Variants in ENOX1 observed in about 807,000 individuals in gnomAD.
ENOX1 encodes candidate growth-related and time keeping constitutive hydroquinone (NADH) oxidase.
In ENOX1, 42 loss-of-function variants were observed where a neutral mutation model predicts 82.5. The observed-to-expected ratio is 0.51, with a 90% confidence interval of 0.40 to 0.66. ENOX1 has a LOEUF of 0.66. ENOX1 is among the 30% of genes least tolerant of loss of function. ENOX1 has a pLI of 0.00. For synonymous variants in ENOX1, 271 were observed against 282.2 expected, an observed-to-expected ratio of 0.96 and a Z score of 0.40; for missense variants, 608 against 811.6, an observed-to-expected ratio of 0.75 and a Z score of 3.05.
At chr13:43,415,502 A>G (rs531841813) in intron 3 of ENOX1, among the ~76,000 whole-genome samples, 1 of 151,918 alleles carries the variant, frequency 6.6e-6, no homozygotes, top group African/African-American at 2.4e-5. Context: ...ATCTTGCACC[A>G]CCCTTAATCC....
At position 43,655,629 on chromosome 13, in the gene ENOX1, C is replaced by G. The variant is rs573053891; in HGVS notation, c.-219+11850G>C. Among the ~76,000 whole-genome samples, 78 of 152,250 alleles carry G rather than the reference C, an allele frequency of 5.1e-4. 1 individual carries two copies. Among genetic ancestry groups the G allele is most frequent in the African/African-American group, 1.8e-3 (74 of 41,536 alleles). On this transcript the variant is annotated intron_variant, in intron 2 of 16. Transcript: ENST00000690772. ...TTGCCAAATGTTCCAAATGTTTCTT[C>G]TTGAATTAAATTTCAACCCCAGTTC...
chr13:43,372,016 T>C (rs566132457), intron 5 of ENOX1, among the ~76,000 whole-genome samples: 2 of 152,302 alleles, frequency 1.3e-5, no homozygotes, highest in African/African-American at 4.8e-5. Flanking sequence ...GCATATAGTA[T>C]CCTCTTCAAC....
intron 2 of ENOX1, among the ~76,000 whole-genome samples, chr13:43,566,406 A>G (rs1446894905): frequency 4.6e-5 from 7 of 152,090 alleles, no homozygotes; most frequent in Non-Finnish European, 1.5e-5. Context: ...CAATGCATAG[A>G]TCAATGAATT....
chr13:43,554,389 T>C (rs965586664), intron 2 of ENOX1, among the ~76,000 whole-genome samples: 5 of 152,214 alleles, frequency 3.3e-5, no homozygotes, highest in Admixed American at 6.5e-5. Flanking sequence ...ATGCAAGTGA[T>C]TTAAAAACAT....
intron 2 of ENOX1, among the ~76,000 whole-genome samples, chr13:43,562,593 T>TA (rs1306294574): frequency 4.0e-5 from 6 of 151,788 alleles, no homozygotes; most frequent in Admixed American, 1.3e-4. Context: ...GCTGAACAGA[T>TA]AAAACAAAAC....
At position 43,718,349 on chromosome 13, in the gene ENOX1, G is replaced by A. The variant is rs190216357; in HGVS notation, c.-284-50805C>T. Reference sequence around the variant, plus strand: ...ATTGAATACACATAGACATAAATATGGGAACAACAGACACTGGGAACTACC... The same window carrying A: ...ATTGAATACACATAGACATAAATATAGGAACAACAGACACTGGGAACTACC... On this transcript the variant is annotated intron_variant, in intron 1 of 16. Transcript: ENST00000690772. Among the ~76,000 whole-genome samples the A allele has an allele frequency of 1.9e-3, 287 of 152,080 alleles. 1 individual carries two copies. The highest frequency in any genetic ancestry group is 6.5e-3 in the African/African-American group (268 of 41,460).
chr13:43,438,116 C>T (rs1232059943), intron 3 of ENOX1, among the ~76,000 whole-genome samples: 3 of 152,094 alleles, frequency 2.0e-5, no homozygotes, highest in Non-Finnish European at 2.9e-5. Flanking sequence ...AAGTGGAGAA[C>T]GATGCTAACA....
intron 9 of ENOX1, among the ~76,000 whole-genome samples, chr13:43,342,508 T>A (rs1013380638): frequency 3.5e-4 from 54 of 152,202 alleles, no homozygotes; most frequent in Admixed American, 2.8e-3. Flanking sequence ...AGAGGCAGTC[T>A]CCACTCCTGT....
chr13:43,728,597 A>G (rs534388160), intron 1 of ENOX1, among the ~76,000 whole-genome samples: 106 of 152,302 alleles, frequency 7.0e-4, no homozygotes, highest in Non-Finnish European at 1.1e-3. Flanking sequence ...ATAGATTCTG[A>G]AGAAAATAAG....
At chr13:43,734,275 C>A (rs1286622300) in intron 1 of ENOX1, among the ~76,000 whole-genome samples, 2 of 152,032 alleles carry the variant, frequency 1.3e-5, no homozygotes, top group Non-Finnish European at 2.9e-5. Context: ...TTAATGGCAA[C>A]CCTAGAGAAC....
intron 5 of ENOX1, among the ~76,000 whole-genome samples, chr13:43,369,689 C>G (rs1341007840): frequency 6.6e-6 from 1 of 152,236 alleles, no homozygotes; most frequent in Non-Finnish European, 1.5e-5. Context: ...CTTAGTTCTC[C>G]TCCTGTCTTG....
intron 1 of ENOX1, among the ~76,000 whole-genome samples, chr13:43,691,512 T>C (rs1464097820): frequency 6.6e-6 from 1 of 152,068 alleles, no homozygotes; most frequent in African/African-American, 2.4e-5. Flanking sequence ...TACAACCTCA[T>C]TTCTCATGAC....
In ENOX1 at chr13:43,470,353, T is replaced by C. The variant is rs1365826110; in HGVS notation, c.-75+13656A>G. On this transcript the variant is annotated intron_variant, in intron 3 of 16. Coordinates refer to ENST00000690772, the MANE Select transcript of ENOX1 (RefSeq NM_001347969.2). Reference sequence around the variant, plus strand: ...ATGTATATATATACGTATATATATATGTATATATATACGTATATATATACA... The same window carrying C: ...ATGTATATATATACGTATATATATACGTATATATATACGTATATATATACA... Among the ~76,000 whole-genome samples the C allele has an allele frequency of 7.8e-3, 389 of 50,042 alleles. 32 individuals are homozygous for C. The highest frequency in any genetic ancestry group is 0.031 in the African/African-American group (367 of 12,010). The allele number at this position is 50,042 out of a possible 152,430, so 32.8% of individuals were successfully genotyped here. A position where few individuals can be genotyped will look rare whatever the true frequency, so the allele number is the denominator to read the frequency against.
intron 11 of ENOX1, among the ~76,000 whole-genome samples, chr13:43,298,993 C>T (rs2046424246): frequency 6.6e-6 from 1 of 152,188 alleles, no homozygotes; most frequent in African/African-American, 2.4e-5. Flanking sequence ...GGCAGCATCC[C>T]AGGGGAGAGA....
intron 3 of ENOX1, among the ~76,000 whole-genome samples, chr13:43,468,098 G>T (rs936683115): frequency 6.6e-6 from 1 of 152,104 alleles, no homozygotes; most frequent in African/African-American, 2.4e-5. Flanking sequence ...TGGGAGCTGT[G>T]AGTCCTCTAA....
rs1463427490 is a variant in ENOX1 at position 43,599,811 on chromosome 13, C to T, written c.-219+67668G>A. On this transcript the variant is annotated intron_variant, in intron 2 of 16. Transcript: ENST00000690772. ...AGAATAAGGAAGAGTAAAGACTTTG[C>T]AAGTCCAAGTTCAGGACTTGCAACT... 2.0e-5 allele frequency among the ~76,000 whole-genome samples: 3 copies of T among 151,368 alleles called. No individual in the cohort carries two copies. In the East Asian group the frequency reaches 6.0e-4, roughly 30 times the overall value.
chr13:43,713,002 G>A (rs1409678044), intron 1 of ENOX1, among the ~76,000 whole-genome samples: 1 of 152,070 alleles, frequency 6.6e-6, no homozygotes, highest in Non-Finnish European at 1.5e-5. Context: ...GTTTTCAAAG[G>A]GAATGCTTCC....
rs1292478614 is a variant in ENOX1 at position 43,786,318 on chromosome 13, T to C, written c.-285+334A>G. ...CTGTCCAAGGTGCAGGGGAGGTGAC[T>C]GGCGCGCGGCGGGCGCGGAGCCCGG... On this transcript the variant is annotated intron_variant, in intron 1 of 16. Transcript: ENST00000690772. The surrounding 1 kb of genome is among the most constrained non-coding windows in gnomAD (Gnocchi z 6.0). Among the ~76,000 whole-genome samples, 2 of 151,832 alleles carry C rather than the reference T, an allele frequency of 1.3e-5. No individual in the cohort carries two copies. Among genetic ancestry groups the C allele is most frequent in the Non-Finnish European group, 1.5e-5 (1 of 67,946 alleles).
chr13:43,650,057 C>T (rs528768588), intron 2 of ENOX1, among the ~76,000 whole-genome samples: 27 of 152,304 alleles, frequency 1.8e-4, no homozygotes, highest in African/African-American at 5.3e-4. Flanking sequence ...AACGTTCTCA[C>T]GGAAGACAAC....
Sources: allele counts gnomAD v4.1 joint callset (sites outside exome capture counted in the v4.1 genomes callset), GRCh38; gene constraint gnomAD v4.1.1; non-coding constraint Gnocchi (gnomAD v3.1); transcripts MANE v1.5; gene names NCBI Gene and HGNC (gene_info 2026-07-23, HGNC 2026-07-21).